The following CAPZA2 variants were observed in gnomAD, a reference collection of about 807,000 sequenced individuals.
The protein encoded by CAPZA2 is capping actin protein of muscle Z-line subunit alpha 2, also known as F-actin-capping protein subunit alpha-2.
In CAPZA2, 13 loss-of-function variants were observed where a neutral mutation model predicts 44.0. The ratio of observed to expected loss-of-function variants is 0.30; its 90% CI spans 0.19 to 0.47. The LOEUF is 0.47. Ranked by LOEUF, CAPZA2 falls within the 20% of genes least tolerant of loss-of-function variation. The probability of loss-of-function intolerance (pLI) is 1.00; values close to 1 mark genes in which losing one functional copy is unlikely to be tolerated. For missense variants in CAPZA2, 244 were observed against 338.6 expected, an observed-to-expected ratio of 0.72 and a Z score of 2.19; for synonymous variants, 94 against 108.2, an observed-to-expected ratio of 0.87 and a Z score of 0.81.
rs529178812 is a variant in CAPZA2, at chr7:116,903,575, A to G, written c.220-602A>G. Among the ~76,000 whole-genome samples, 30 of 152,352 alleles carry G rather than the reference A, an allele frequency of 2.0e-4. No homozygotes were observed. In the East Asian group the frequency reaches 5.0e-3, roughly 25 times the overall value. ...GGGGAAATTTTTTAAATAAAGCACA[A>G]AATATCAGATTATACATTATGCATT... On this transcript the variant is annotated intron_variant, in intron 4 of 9. Coordinates refer to ENST00000361183, the MANE Select transcript of CAPZA2 (RefSeq NM_006136.3).
intron 1 of CAPZA2, among the ~76,000 whole-genome samples, chr7:116,884,500 G>A (rs960469320): frequency 1.3e-5 from 2 of 152,010 alleles, no homozygotes; most frequent in African/African-American, 4.8e-5. Context: ...TCATATATAG[G>A]GAATACTGTA....
At chr7:116,905,439 A>G (rs1360473181) in intron 5 of CAPZA2, among the ~76,000 whole-genome samples, 2 of 151,944 alleles carry the variant, frequency 1.3e-5, no homozygotes, top group Non-Finnish European at 2.9e-5. Context: ...CTCCAACCTA[A>G]CTCTACCATA....
At position 116,918,110 on chromosome 7, in the gene CAPZA2, A is replaced by G. The variant is rs1316231543; in HGVS notation, c.*243A>G. The G allele has an allele frequency of 2.9e-6, 1 of 348,192 alleles. No homozygotes were observed. Among genetic ancestry groups the G allele is most frequent in the African/African-American group, 2.1e-5 (1 of 48,760 alleles). 21.6% of individuals were successfully genotyped at this position (348,192 alleles called of 1,614,324 possible). A position where few individuals can be genotyped will look rare whatever the true frequency, so the allele number is the denominator to read the frequency against. On this transcript the variant is annotated 3_prime_UTR_variant, in exon 10 of 10. Transcript: ENST00000361183. ...TTTCTGTTAGGCCTTTCTTTCTTAC[A>G]ATGAAGAGATGATTCTTCTAGTTTA...
intron 3 of CAPZA2, among the ~76,000 whole-genome samples, chr7:116,895,369 G>C (rs1796911147): frequency 6.6e-6 from 1 of 152,036 alleles, no homozygotes; most frequent in Non-Finnish European, 1.5e-5. Context: ...ATCTGTTAAT[G>C]ATTGTTAGAT....
chr7:116,880,696 C>CTTTTTTT lies in CAPZA2; in HGVS notation c.40-7399_40-7393dup, dbSNP rs557434747. On this transcript the variant is annotated intron_variant, in intron 1 of 9. Coordinates refer to ENST00000361183, the MANE Select transcript of CAPZA2 (RefSeq NM_006136.3). ...ATAGGCATGAGCCACTGTAACCTGC[C>CTTTTTTT]TTTTTTTTTTTTTTTTTTTTTTTTT... Among the ~76,000 whole-genome samples the CTTTTTTT allele has an allele frequency of 3.2e-3, 78 of 24,686 alleles. 35 individuals carry two copies. The highest frequency in any genetic ancestry group is 0.012 in the East Asian group (8 of 680). 16.2% of individuals were successfully genotyped at this position (24,686 alleles called of 152,430 possible). A position where few individuals can be genotyped will look rare whatever the true frequency, so the allele number is the denominator to read the frequency against.
intron 9 of CAPZA2, among the ~76,000 whole-genome samples, chr7:116,917,375 T>C (rs12673979): frequency 0.23 from 34,966 of 152,068 alleles, 4,166 homozygotes; most frequent in East Asian, 0.4. Context: ...CCACCTCAGC[T>C]TCCCGAGTAG....
chr7:116,893,803 A>G (rs546941600), intron 3 of CAPZA2, among the ~76,000 whole-genome samples: 33 of 152,372 alleles, frequency 2.2e-4, no homozygotes, highest in Middle Eastern at 3.4e-3. Context: ...TGAGTGATTT[A>G]AAGAAGTAGG....
intron 3 of CAPZA2, among the ~76,000 whole-genome samples, chr7:116,893,660 A>G (rs1055446436): frequency 6.6e-6 from 1 of 152,212 alleles, no homozygotes; most frequent in African/African-American, 2.4e-5. Context: ...TGTGGTTGCT[A>G]CCATTTTTAT....
rs1471712725 is a variant in CAPZA2, at chr7:116,920,808, A to C, written c.*2941A>C. 1 of 152,288 alleles carries C rather than the reference A, an allele frequency of 6.6e-6. No individual in the cohort carries two copies. 9.4% of individuals were successfully genotyped at this position (152,288 alleles called of 1,614,324 possible). A position where few individuals can be genotyped will look rare whatever the true frequency, so the allele number is the denominator to read the frequency against. On this transcript the variant is annotated 3_prime_UTR_variant, in exon 10 of 10. Transcript: ENST00000361183. Reference sequence around the variant, plus strand: ...CTCAAGGTTAGTGATAATGAATTTAAAGTAAATGAGACCAATGATGAGCAT... The same window carrying C: ...CTCAAGGTTAGTGATAATGAATTTACAGTAAATGAGACCAATGATGAGCAT...
At chr7:116,899,679 T>C (rs1320522129) in intron 4 of CAPZA2, among the ~76,000 whole-genome samples, 1 of 151,354 alleles carries the variant, frequency 6.6e-6, no homozygotes, top group African/African-American at 2.4e-5. Context: ...TTTTGCTTTT[T>C]CTTTACTACT....
intron 8 of CAPZA2, among the ~76,000 whole-genome samples, chr7:116,914,432 TACACACACACACAC>T (rs71148345): frequency 1.6e-4 from 23 of 145,234 alleles, no homozygotes; most frequent in East Asian, 1.4e-3. Context: ...TATACATACA[TACACACACACACAC>T]ACACACACAC....
At chr7:116,871,219 C>G (rs1171350764) in intron 1 of CAPZA2, among the ~76,000 whole-genome samples, 1 of 152,032 alleles carries the variant, frequency 6.6e-6, no homozygotes, top group Non-Finnish European at 1.5e-5. Flanking sequence ...GAGGAGAAAC[C>G]CTTGAGGTCG....
chr7:116,891,419 A>G (rs999246596), intron 2 of CAPZA2, among the ~76,000 whole-genome samples: 3 of 152,236 alleles, frequency 2.0e-5, no homozygotes, highest in African/African-American at 7.2e-5. Flanking sequence ...TTTTTAAAAT[A>G]GTTTTTTAGG....
chr7:116,906,553 AAG>A (rs1475492279), intron 6 of CAPZA2: 7 of 811,408 alleles, frequency 8.6e-6, no homozygotes, highest in Non-Finnish European at 1.2e-5. Flanking sequence ...ATTCAGTGGA[AAG>A]AGTATGGGAC....
chr7:116,868,891 C>T (rs891819727), intron 1 of CAPZA2, among the ~76,000 whole-genome samples: 4 of 152,154 alleles, frequency 2.6e-5, no homozygotes, highest in Non-Finnish European at 4.4e-5. Flanking sequence ...AACTTGATAG[C>T]AGCTGTAGCA....
rs1475991883 is a variant in CAPZA2, at chr7:116,919,283, T to G, written c.*1416T>G. The G allele has an allele frequency of 6.6e-6, 1 of 152,598 alleles. No homozygotes were observed. Among genetic ancestry groups the G allele is most frequent in the Non-Finnish European group, 1.5e-5 (1 of 68,018 alleles). The allele number at this position is 152,598 out of a possible 1,614,324, so 9.5% of individuals were successfully genotyped here. Reference sequence around the variant, plus strand: ...GACATTTTGTCTAAATCATCTTTTCTTTAGTTTTAAAATACAAGTTTTGGC... The same window carrying G: ...GACATTTTGTCTAAATCATCTTTTCGTTAGTTTTAAAATACAAGTTTTGGC... On this transcript the variant is annotated 3_prime_UTR_variant, in exon 10 of 10. Coordinates refer to ENST00000361183, the MANE Select transcript of CAPZA2 (RefSeq NM_006136.3).
intron 3 of CAPZA2, among the ~76,000 whole-genome samples, chr7:116,896,331 T>C (rs1796927519): frequency 6.6e-6 from 1 of 152,170 alleles, no homozygotes; most frequent in Non-Finnish European, 1.5e-5. Flanking sequence ...AAGAACACTT[T>C]GAAACATCCA....
intron 4 of CAPZA2, among the ~76,000 whole-genome samples, chr7:116,903,016 T>C (rs1294045849): frequency 6.6e-6 from 1 of 152,176 alleles, no homozygotes. Flanking sequence ...CCCAGTCTTA[T>C]TTCACCATTT....
intron 2 of CAPZA2, among the ~76,000 whole-genome samples, chr7:116,891,542 C>T (rs1226708503): frequency 1.3e-5 from 2 of 152,166 alleles, no homozygotes; most frequent in African/African-American, 2.4e-5. Flanking sequence ...GATGGAGTCT[C>T]GCTCTGTTGC....
Sources: gnomAD v4.1 joint callset for allele counts (sites outside exome capture counted in the v4.1 genomes callset) on GRCh38, gnomAD v4.1.1 for gene constraint, MANE v1.5 for transcripts, NCBI Gene and HGNC (gene_info 2026-07-23, HGNC 2026-07-21) for gene names.